Variants in MB observed in about 807,000 individuals in gnomAD.
The protein encoded by MB is nitrite reductase MB.
In MB, 10 loss-of-function variants were observed where a neutral mutation model predicts 14.5. That is an observed-to-expected ratio of 0.69 (90% CI 0.43 to 1.17). The LOEUF (loss-of-function observed/expected upper bound fraction) is 1.17. Among genes scored for constraint, MB ranks in the 50% most tolerant of loss-of-function variants. The probability of loss-of-function intolerance (pLI) is 0.00; values close to 1 mark genes in which losing one functional copy is unlikely to be tolerated. For synonymous variants in MB, 89 were observed against 78.6 expected (o/e 1.13, Z -0.70); for missense variants, 169 against 192.7 (o/e 0.88, Z 0.73).
In MB at chr22:35,607,170, T is replaced by A; in HGVS notation, c.*127A>T. On this transcript the variant is annotated 3_prime_UTR_variant, in exon 3 of 3. Coordinates refer to ENST00000397326, the MANE Select transcript of MB (RefSeq NM_005368.3). ...AACACCCCAGCCCCAGCCCCTCAGC[T>A]CCTCCTGCCCACCTCTACTAAACAA... is the stretch of plus-strand genomic sequence containing the variant. 3.5e-6 allele frequency: 4 copies of A among 1,147,046 alleles called. No homozygotes were observed. The highest frequency in any genetic ancestry group is 1.7e-5 in the South Asian group (1 of 57,146). 71.1% of individuals were successfully genotyped at this position (1,147,046 alleles called of 1,614,324 possible).
intron 2 of MB, among the ~76,000 whole-genome samples, chr22:35,607,919 T>G (rs1922283616): frequency 2.0e-5 from 3 of 152,190 alleles, no homozygotes; most frequent in African/African-American, 7.2e-5. Context: ...TGTATGCAAT[T>G]TTTGCATACT....
At chr22:35,620,769 G>C (rs534192390), upstream of MB, among the ~76,000 whole-genome samples, 10 of 152,316 alleles carry the variant, frequency 6.6e-5, no homozygotes, top group South Asian at 2.1e-3. Context: ...GGGCAGGGCA[G>C]GGCTGATTAC....
intron 1 of MB, among the ~76,000 whole-genome samples, chr22:35,613,441 C>T (rs1922805939): frequency 1.3e-5 from 2 of 152,216 alleles, no homozygotes; most frequent in South Asian, 4.1e-4. Context: ...TCTAGACCCG[C>T]CAATGCCTTT....
upstream of MB, among the ~76,000 whole-genome samples, chr22:35,617,938 T>C (rs1160471869): frequency 6.6e-6 from 1 of 152,324 alleles, no homozygotes; most frequent in East Asian, 1.9e-4. Context: ...ACATACTCCT[T>C]TGAGACACCA....
At chr22:35,621,232 C>T (rs180753444), upstream of MB, among the ~76,000 whole-genome samples, 7 of 152,310 alleles carry the variant, frequency 4.6e-5, no homozygotes, top group East Asian at 1.3e-3. Context: ...CACACACACG[C>T]ACGAATGCAG....
chr22:35,619,279 G>T (rs1237511947), upstream of MB, among the ~76,000 whole-genome samples: 2 of 152,232 alleles, frequency 1.3e-5, no homozygotes, highest in Non-Finnish European at 2.9e-5. Context: ...ATCTGCATAA[G>T]ACTATACAGT....
In MB at chr22:35,607,249, T is replaced by C; in HGVS notation, c.*48A>G. The C allele has an allele frequency of 6.3e-7, 1 of 1,578,542 alleles. No individual in the cohort carries two copies. On this transcript the variant is annotated 3_prime_UTR_variant, in exon 3 of 3. Coordinates refer to ENST00000397326, the MANE Select transcript of MB (RefSeq NM_005368.3). ...GGCTACACGAGATCAGACCCCGCTC[T>C]CTCTTGAACCCGGGGCCCAGATGGG...
intron 2 of MB, among the ~76,000 whole-genome samples, chr22:35,610,242 A>T (rs1192310734): frequency 6.6e-6 from 1 of 152,042 alleles, no homozygotes; most frequent in Non-Finnish European, 1.5e-5. Context: ...CCCAACCCTG[A>T]TCCACCCAAC....
intron 1 of MB, chr22:35,615,687 T>A (rs1923025742): frequency 6.6e-6 from 1 of 152,208 alleles, no homozygotes; most frequent in African/African-American, 2.4e-5. Flanking sequence ...AGACAATCCC[T>A]TCGCTCAACC....
At chr22:35,615,492 G>A (rs1235264139) in intron 1 of MB, 3 of 152,280 alleles carry the variant, frequency 2.0e-5, no homozygotes, top group Admixed American at 1.3e-4. Context: ...TCTCTTTCAA[G>A]ACGTACAAGT....
chr22:35,614,974 G>A (rs1437841058), intron 1 of MB, among the ~76,000 whole-genome samples: 3 of 152,286 alleles, frequency 2.0e-5, no homozygotes, highest in South Asian at 2.1e-4. Context: ...AAAAACAGGG[G>A]TGTGGAGCCC....
Position 35,608,853 on chromosome 22 carries a change from C to T in MB, c.319-1410G>A, listed in dbSNP as rs938904070. 3.3e-5 allele frequency among the ~76,000 whole-genome samples: 5 copies of T among 152,278 alleles called. No individual in the cohort carries two copies. Among genetic ancestry groups the T allele is most frequent in the South Asian group, 2.1e-4 (1 of 4,824 alleles). On this transcript the variant is annotated intron_variant, in intron 2 of 2. Transcript: ENST00000397326. This position sits in a 1 kb window ranked among gnomAD's most constrained non-coding sequence, Gnocchi z 4.3. ...CATAATTGAGAAATGGAAACACTCT[C>T]GGCACCCACCACCCTGTACAGCCCC...
rs1318204232 is a variant in MB at position 35,607,417 on chromosome 22, A to T, written c.345T>A (p.Val115=). The change falls in exon 3 of 3, where the codon GTT becomes GTA. Residue 115 remains valine, a synonymous_variant. Coordinates refer to ENST00000397326, the MANE Select transcript of MB (RefSeq NM_005368.3). ...LEFISECIIQ[V]LQSKHPGDFG... ...AGTCCCCGGGATGCTTGCTCTGCAGAACCTGGATGATGCATTCCGAGATGA... is the reference window on the plus strand; with the variant it reads ...AGTCCCCGGGATGCTTGCTCTGCAGTACCTGGATGATGCATTCCGAGATGA... 3 of 1,613,914 alleles carry T rather than the reference A, an allele frequency of 1.9e-6. No individual in the cohort carries two copies. The highest frequency in any genetic ancestry group is 2.7e-5 in the African/African-American group (2 of 74,938).
At chr22:35,609,188 C>A (rs1438609601) in intron 2 of MB, among the ~76,000 whole-genome samples, 1 of 152,104 alleles carries the variant, frequency 6.6e-6, no homozygotes, top group Non-Finnish European at 1.5e-5. Flanking sequence ...AAATGGTAGC[C>A]CCTAGGGAGC....
At chr22:35,609,161 G>A (rs1309117732) in intron 2 of MB, among the ~76,000 whole-genome samples, 4 of 152,224 alleles carry the variant, frequency 2.6e-5, no homozygotes, top group Admixed American at 6.5e-5. Flanking sequence ...AGCCAAACAC[G>A]TGCCAGTGGG....
chr22:35,616,873 G>A (rs1430986025), intron 1 of MB, among the ~76,000 whole-genome samples: 2 of 152,152 alleles, frequency 1.3e-5, no homozygotes, highest in Non-Finnish European at 2.9e-5. Context: ...CAGGACCCTT[G>A]TTAACTCTGA....
In MB at chr22:35,610,884, C is replaced by A; in HGVS notation, c.318G>T (p.Glu106Asp). The A allele has an allele frequency of 6.2e-7, 1 of 1,613,756 alleles. No individual in the cohort carries two copies. Among genetic ancestry groups the A allele is most frequent in the Non-Finnish European group, 8.5e-7 (1 of 1,179,780 alleles). The change falls in exon 2 of 3, where the codon GAG becomes GAT. Residue 106 changes from glutamate to aspartate, a missense_variant and splice_region_variant. By Grantham distance (45) the Glu-to-Asp change is conservative. Coordinates refer to ENST00000397326, the MANE Select transcript of MB (RefSeq NM_005368.3). Reference sequence around the variant, plus strand: ...CCACCTGCCCAGGCTCTGCTCCTACCTCCAGGTACTTCACGGGGATCTTGT... The same window carrying A: ...CCACCTGCCCAGGCTCTGCTCCTACATCCAGGTACTTCACGGGGATCTTGT... ...TKHKIPVKYL[E>D]FISECIIQVL...
At chr22:35,620,242 G>A (rs914767606), upstream of MB, among the ~76,000 whole-genome samples, 2 of 152,186 alleles carry the variant, frequency 1.3e-5, no homozygotes, top group African/African-American at 2.4e-5. Context: ...GCTGAGGCAG[G>A]AGAATCACTT....
At chr22:35,619,527 T>C (rs1923332948), upstream of MB, among the ~76,000 whole-genome samples, 1 of 152,198 alleles carries the variant, frequency 6.6e-6, no homozygotes, top group Non-Finnish European at 1.5e-5. Flanking sequence ...AGTCATGTTC[T>C]GGGACACACA....
Sources: gnomAD v4.1 joint callset for allele counts (sites outside exome capture counted in the v4.1 genomes callset) on GRCh38, gnomAD v4.1.1 for gene constraint, Gnocchi (gnomAD v3.1) non-coding constraint, MANE v1.5 for transcripts, NCBI Gene and HGNC (gene_info 2026-07-23, HGNC 2026-07-21) for gene names.